The following SORCS2 variants were observed in gnomAD, a reference collection of about 807,000 sequenced individuals.
SORCS2 encodes sortilin related VPS10 domain containing receptor 2.
In SORCS2, 100 loss-of-function variants were observed where a neutral mutation model predicts 141.6. That is an observed-to-expected ratio of 0.71 (90% CI 0.60 to 0.83). SORCS2 has a LOEUF of 0.83. SORCS2 is among the 40% of genes least tolerant of loss of function. SORCS2 has a pLI of 0.00. For synonymous variants in SORCS2, 789 were observed against 676.9 expected (o/e 1.17, Z -2.57); for missense variants, 1,646 against 1,560.2 (o/e 1.05, Z -0.93).
At chr4:7,704,678 G>A (rs574430573) in intron 14 of SORCS2, among the ~76,000 whole-genome samples, 4 of 152,282 alleles carry the variant, frequency 2.6e-5, no homozygotes, top group South Asian at 4.1e-4. Flanking sequence ...CCCAGCTTGG[G>A]CCAAAAAAGG....
At chr4:7,582,205 G>A (rs1228371048) in intron 3 of SORCS2, among the ~76,000 whole-genome samples, 1 of 152,188 alleles carries the variant, frequency 6.6e-6, no homozygotes, top group Non-Finnish European at 1.5e-5. Context: ...TACAGATGCT[G>A]AAACTGAAGC....
intron 9 of SORCS2, among the ~76,000 whole-genome samples, chr4:7,676,931 CCTCTCT>C (rs1281517329): frequency 7.7e-5 from 2 of 26,006 alleles, no homozygotes; most frequent in African/African-American, 2.1e-4. Context: ...TCCCTCTCTC[CCTCTCT>C]CCCTCTCTCC....
intron 1 of SORCS2, among the ~76,000 whole-genome samples, chr4:7,275,880 C>T (rs185385345): frequency 6.8e-4 from 103 of 152,226 alleles, no homozygotes; most frequent in African/African-American, 2.0e-3. Flanking sequence ...AAATTTATAT[C>T]GAGTACACAC....
intron 18 of SORCS2, among the ~76,000 whole-genome samples, chr4:7,721,254 C>T (rs1163861434): frequency 3.3e-5 from 5 of 152,196 alleles, no homozygotes; most frequent in Admixed American, 2.0e-4. Context: ...CAGCTGAGGT[C>T]GGGAGTTCGA....
At chr4:7,589,439 G>A (rs1716764279) in intron 3 of SORCS2, among the ~76,000 whole-genome samples, 1 of 152,018 alleles carries the variant, frequency 6.6e-6, no homozygotes, top group Non-Finnish European at 1.5e-5. Flanking sequence ...GTCTCGCTCT[G>A]TGGCCCAGGT....
rs147618494 is a variant in SORCS2 at position 7,580,421 on chromosome 4, C to T, written c.648+48792C>T. 4.3e-3 allele frequency among the ~76,000 whole-genome samples: 645 copies of T among 151,534 alleles called. 3 individuals carry two copies. Among genetic ancestry groups the T allele is most frequent in the African/African-American group, 0.015 (614 of 41,236 alleles). ...ATGAGAATCGCTTGAACCTGGGAGG[C>T]GGCGGTTGCAAAGAGCAGAGATCAT... On this transcript the variant is annotated intron_variant, in intron 3 of 26. Transcript: ENST00000507866.
chr4:7,692,354 G>C (rs1353307869), intron 11 of SORCS2, among the ~76,000 whole-genome samples: 1 of 152,226 alleles, frequency 6.6e-6, no homozygotes, highest in African/African-American at 2.4e-5. Context: ...AGGCAGACAA[G>C]AGGGAAAAGC....
chr4:7,262,394 CCATCCATCCATCCATCCA>C (rs1714417355), intron 1 of SORCS2, among the ~76,000 whole-genome samples: 1 of 133,632 alleles, frequency 7.5e-6, no homozygotes, highest in African/African-American at 3.9e-5. Context: ...ATCCATCCAT[CCATCCATCCATCCATCCA>C]TCCATCCATC....
chr4:7,625,332 T>G (rs1447659928), intron 3 of SORCS2, among the ~76,000 whole-genome samples: 1 of 152,082 alleles, frequency 6.6e-6, no homozygotes, highest in African/African-American at 2.4e-5. Flanking sequence ...GCTCACAAAT[T>G]GTTTGGTCTT....
At chr4:7,555,126 C>A (rs936715393) in intron 3 of SORCS2, among the ~76,000 whole-genome samples, 2 of 152,206 alleles carry the variant, frequency 1.3e-5, no homozygotes, top group African/African-American at 4.8e-5. Context: ...ATGCAGGCAA[C>A]CTCCAAAGAC....
chr4:7,457,875 T>C (rs1354215070), intron 2 of SORCS2, among the ~76,000 whole-genome samples: 1 of 152,196 alleles, frequency 6.6e-6, no homozygotes, highest in Non-Finnish European at 1.5e-5. Flanking sequence ...AGCTGCCTGT[T>C]GGGCCTCTGG....
Position 7,664,757 on chromosome 4 carries a change from C to G in SORCS2, c.1071+286C>G, listed in dbSNP as rs577915158. ...GTCCCCAAACCTAAGCCCATTTAGCCCCATTTGGCTTTATCAGTGACTTTG... is the reference window on the plus strand; with the variant it reads ...GTCCCCAAACCTAAGCCCATTTAGCGCCATTTGGCTTTATCAGTGACTTTG... On this transcript the variant is annotated intron_variant, in intron 7 of 26. Transcript: ENST00000507866. The surrounding 1 kb of genome is among the most constrained non-coding windows in gnomAD (Gnocchi z 4.7). 3.0e-3 allele frequency among the ~76,000 whole-genome samples: 464 copies of G among 152,202 alleles called. 4 individuals are homozygous for G. Among genetic ancestry groups the G allele is most frequent in the Non-Finnish European group, 6.0e-3 (407 of 68,010 alleles).
chr4:7,712,577 G>A (rs967747473), intron 14 of SORCS2, among the ~76,000 whole-genome samples, 156 bp from the exon 15 acceptor site: 5 of 152,224 alleles, frequency 3.3e-5, no homozygotes, highest in Admixed American at 6.5e-5. Context: ...CTCGGTGACC[G>A]GGGCAGCCTC....
At chr4:7,482,025 C>T (rs1489655830) in intron 2 of SORCS2, among the ~76,000 whole-genome samples, 3 of 84,534 alleles carry the variant, frequency 3.5e-5, no homozygotes, top group African/African-American at 1.4e-4. Context: ...GACCTGTATC[C>T]CCACTGCGGA....
At chr4:7,474,634 G>A (rs1730180813) in intron 2 of SORCS2, among the ~76,000 whole-genome samples, 1 of 152,210 alleles carries the variant, frequency 6.6e-6, no homozygotes, top group African/African-American at 2.4e-5. Context: ...CACCAAGAAG[G>A]TAGCTGGGAA....
chr4:7,337,113 C>G (rs539312253), intron 1 of SORCS2, among the ~76,000 whole-genome samples: 11 of 152,290 alleles, frequency 7.2e-5, no homozygotes, highest in African/African-American at 2.4e-4. Flanking sequence ...CCACTCCCGT[C>G]TGGAGCCTCA....
intron 1 of SORCS2, among the ~76,000 whole-genome samples, chr4:7,324,118 G>A (rs1266295851): frequency 1.3e-5 from 2 of 152,218 alleles, no homozygotes; most frequent in Admixed American, 6.5e-5. Flanking sequence ...AGGTGGCGGG[G>A]CTGGGATTCA....
At chr4:7,224,857 G>A (rs920075001) in intron 1 of SORCS2, among the ~76,000 whole-genome samples, 8 of 152,194 alleles carry the variant, frequency 5.3e-5, no homozygotes, top group East Asian at 1.9e-4. Flanking sequence ...GGGGCCGAAC[G>A]GACCTGGAGG....
chr4:7,273,849 C>G (rs985473204), intron 1 of SORCS2, among the ~76,000 whole-genome samples: 1 of 152,210 alleles, frequency 6.6e-6, no homozygotes, highest in African/African-American at 2.4e-5. Context: ...CCCCAGGCTG[C>G]TTGGATGCAT....
Sources: gnomAD v4.1 joint callset for allele counts (sites outside exome capture counted in the v4.1 genomes callset) on GRCh38, gnomAD v4.1.1 for gene constraint, Gnocchi (gnomAD v3.1) non-coding constraint, MANE v1.5 for transcripts, NCBI Gene and HGNC (gene_info 2026-07-23, HGNC 2026-07-21) for gene names.